The following PPIP5K2 variants were observed in gnomAD, a reference collection of about 807,000 sequenced individuals.
The protein encoded by PPIP5K2 is diphosphoinositol pentakisphosphate kinase 2, also known as inositol hexakisphosphate and diphosphoinositol-pentakisphosphate kinase 2.
A neutral mutation model predicts 154.6 loss-of-function variants in PPIP5K2; 105 were observed. The observed-to-expected ratio is 0.68, with a 90% confidence interval of 0.58 to 0.80. PPIP5K2 has a LOEUF of 0.80. Among genes scored for constraint, PPIP5K2 ranks in the 30% least tolerant of loss-of-function variants. PPIP5K2 has a pLI of 0.00. For missense variants in PPIP5K2, 992 were observed against 1,504.6 expected (o/e 0.66, Z 5.64); for synonymous variants, 480 against 490.3 (o/e 0.98, Z 0.28).
chr5:103,180,243 T>C, intron 24 of PPIP5K2, 55 bp downstream of exon 24: 1 of 1,385,478 alleles, frequency 7.2e-7, no homozygotes, highest in East Asian at 2.8e-5. Context: ...TATATTTTAA[T>C]AAAACAGAAA....
chr5:103,144,395 A>G (rs1793386533), intron 5 of PPIP5K2, among the ~76,000 whole-genome samples: 2 of 152,210 alleles, frequency 1.3e-5, no homozygotes, highest in African/African-American at 2.4e-5. Flanking sequence ...TCAGAATAGC[A>G]AAGACATTCT....
chr5:103,210,067 C>G lies in PPIP5K2; in HGVS notation c.*8433C>G, dbSNP rs2149893983. 1 of 152,218 alleles carries G rather than the reference C, an allele frequency of 6.6e-6. No homozygotes were observed. The highest frequency in any genetic ancestry group is 6.5e-5 in the Admixed American group (1 of 15,272). The allele number at this position is 152,218 out of a possible 1,614,324, so 9.4% of individuals were successfully genotyped here. A position where few individuals can be genotyped will look rare whatever the true frequency, so the allele number is the denominator to read the frequency against. Reference sequence around the variant, plus strand: ...AGAAGCCTTTTTGAAAGTCCCACTGCCATACCTGCCTCCTCGGTGAAATAG... The same window carrying G: ...AGAAGCCTTTTTGAAAGTCCCACTGGCATACCTGCCTCCTCGGTGAAATAG... On this transcript the variant is annotated 3_prime_UTR_variant, in exon 31 of 31. Transcript: ENST00000358359.
At chr5:103,181,431 G>C (rs1799534079) in intron 24 of PPIP5K2, among the ~76,000 whole-genome samples, 1 of 152,028 alleles carries the variant, frequency 6.6e-6, no homozygotes, top group African/African-American at 2.4e-5. Context: ...AGCTGGGCTT[G>C]GTAGTGCCAG....
Position 103,186,373 on chromosome 5 carries a change from G to A in PPIP5K2, c.3223G>A (p.Ala1075Thr), listed in dbSNP as rs377532187. ...STSVLGGSSS[A>T]PNLQDYARTH... ...CTCGGTGCTCGGGGGTTCTTCAAGC[G>A]CACCTAACCTACAGGATTATGCTCG... The change falls in exon 27 of 31, where the codon GCA becomes ACA. Residue 1075 changes from alanine (A) to threonine (T), a missense_variant. By Grantham distance (58) the Ala-to-Thr change is moderately conservative. Coordinates refer to ENST00000358359, the MANE Select transcript of PPIP5K2 (RefSeq NM_001276277.3). 3.7e-6 allele frequency: 6 copies of A among 1,613,768 alleles called. No individual in the cohort carries two copies. Among genetic ancestry groups the A allele is most frequent in the Admixed American group, 3.3e-5 (2 of 59,960 alleles).
At chr5:103,174,459 G>A (rs1421907) in intron 21 of PPIP5K2, among the ~76,000 whole-genome samples, 1 of 151,978 alleles carries the variant, frequency 6.6e-6, no homozygotes, top group Non-Finnish European at 1.5e-5. Context: ...AGTCTCATGA[G>A]GTTGTAGTCA....
intron 17 of PPIP5K2, among the ~76,000 whole-genome samples, chr5:103,160,311 T>A (rs1372889689): frequency 6.6e-6 from 1 of 152,172 alleles, no homozygotes; most frequent in Non-Finnish European, 1.5e-5. Context: ...TCATATGGTT[T>A]TTCTGTCTTC....
intron 17 of PPIP5K2, among the ~76,000 whole-genome samples, chr5:103,164,908 A>G (rs1554217270): frequency 6.6e-6 from 1 of 152,088 alleles, no homozygotes. Flanking sequence ...TTCATTACAA[A>G]GGCATAACAG....
intron 5 of PPIP5K2, 117 bp from the exon 6 acceptor site, chr5:103,146,410 A>T: frequency 9.7e-7 from 1 of 1,030,282 alleles, no homozygotes; most frequent in Non-Finnish European, 1.4e-6. Flanking sequence ...TCAAGTAAGT[A>T]CATTATCCAA....
chr5:103,172,044 C>T (rs1798055730), intron 19 of PPIP5K2, among the ~76,000 whole-genome samples: 1 of 151,492 alleles, frequency 6.6e-6, no homozygotes, highest in Non-Finnish European at 1.5e-5. Flanking sequence ...TCTGTAGCTC[C>T]AGAAATCTTT....
At chr5:103,142,288 C>T (rs1325972415) in intron 5 of PPIP5K2, among the ~76,000 whole-genome samples, 1 of 152,144 alleles carries the variant, frequency 6.6e-6, no homozygotes, top group Non-Finnish European at 1.5e-5. Context: ...TGCTAAGTCC[C>T]TCATTGTCCA....
At chr5:103,153,770 A>G in intron 10 of PPIP5K2, 78 bp from the exon 11 acceptor site, 1 of 969,858 alleles carries the variant, frequency 1.0e-6, no homozygotes, top group Non-Finnish European at 1.5e-6. Flanking sequence ...ATAGATGACT[A>G]AATGTTCATA....
intron 5 of PPIP5K2, among the ~76,000 whole-genome samples, chr5:103,142,242 G>A (rs988177760): frequency 1.3e-5 from 2 of 152,148 alleles, no homozygotes; most frequent in East Asian, 1.9e-4. Flanking sequence ...GCACTGCCGG[G>A]GGACCCAGTA....
At chr5:103,137,929 A>G (rs1209252824) in intron 4 of PPIP5K2, among the ~76,000 whole-genome samples, 4 of 152,114 alleles carry the variant, frequency 2.6e-5, no homozygotes, top group African/African-American at 9.7e-5. Flanking sequence ...TATCTATCAT[A>G]TTTTTTTCCT....
rs1803661093 is a variant in PPIP5K2, at chr5:103,208,993, G to A, written c.*7359G>A. 1 of 152,096 alleles carries A rather than the reference G, an allele frequency of 6.6e-6. No homozygotes were observed. The highest frequency in any genetic ancestry group is 1.5e-5 in the Non-Finnish European group (1 of 68,018). The allele number at this position is 152,096 out of a possible 1,614,324, so 9.4% of individuals were successfully genotyped here. A position where few individuals can be genotyped will look rare whatever the true frequency, so the allele number is the denominator to read the frequency against. On this transcript the variant is annotated 3_prime_UTR_variant, in exon 31 of 31. Coordinates refer to ENST00000358359, the MANE Select transcript of PPIP5K2 (RefSeq NM_001276277.3). ...TCTTTGACAAGAAGGAAGAGGAGGA[G>A]GAAGAAGAACAAAAGAAGCCTGCCT...
intron 17 of PPIP5K2, among the ~76,000 whole-genome samples, chr5:103,162,873 G>A (rs1485138815): frequency 2.0e-5 from 3 of 152,006 alleles, no homozygotes; most frequent in Non-Finnish European, 4.4e-5. Context: ...TGTGCTATGA[G>A]CTAAGAATGT....
chr5:103,195,218 C>G (rs1031454704), intron 30 of PPIP5K2, among the ~76,000 whole-genome samples, 193 bp downstream of exon 30: 1 of 152,170 alleles, frequency 6.6e-6, no homozygotes, highest in Non-Finnish European at 1.5e-5. Flanking sequence ...CTTCCCCTCT[C>G]CCCACATCTG....
At chr5:103,191,954 A>G (rs1158636923) in intron 29 of PPIP5K2, among the ~76,000 whole-genome samples, 5 of 152,098 alleles carry the variant, frequency 3.3e-5, no homozygotes, top group African/African-American at 9.7e-5. Context: ...AAAATGAGAT[A>G]TTAGAGCTCT....
chr5:103,155,946 T>C lies in PPIP5K2; in HGVS notation c.1441T>C (p.Leu481=), dbSNP rs1554213168. ...TTCTGGAATAAATCGTAAGGTTCAG[T>C]TGACCTATCTCCCTCATGGTTGTCC... ...HFSGINRKVQ[L]TYLPHGCPKT... The change falls in exon 14 of 31, where the codon TTG becomes CTG. Residue 481 remains leucine, a synonymous_variant. Coordinates refer to ENST00000358359, the MANE Select transcript of PPIP5K2 (RefSeq NM_001276277.3). 1.9e-6 allele frequency: 3 copies of C among 1,604,804 alleles called. No homozygotes were observed. Among genetic ancestry groups the C allele is most frequent in the Non-Finnish European group, 1.7e-6 (2 of 1,171,718 alleles).
At chr5:103,198,885 G>A (rs2149844340) in intron 30 of PPIP5K2, among the ~76,000 whole-genome samples, 2 of 151,552 alleles carry the variant, frequency 1.3e-5, no homozygotes, top group South Asian at 4.2e-4. Context: ...ACCTCATTTT[G>A]TACTAATTCA....
Sources: allele counts gnomAD v4.1 joint callset (sites outside exome capture counted in the v4.1 genomes callset), GRCh38; gene constraint gnomAD v4.1.1; transcripts MANE v1.5; gene names NCBI Gene and HGNC (gene_info 2026-07-23, HGNC 2026-07-21).